Variants in PKN2 observed in about 807,000 individuals in gnomAD.
PKN2 encodes protein kinase N2, also known as serine/threonine-protein kinase N2.
Under a neutral mutation model 119.1 loss-of-function variants are expected in PKN2, and 38 were observed. The observed-to-expected ratio is 0.32, with a 90% confidence interval of 0.25 to 0.42. The LOEUF is 0.42. Among genes scored for constraint, PKN2 ranks in the 10% least tolerant of loss-of-function variants. The pLI, the probability that PKN2 is intolerant of heterozygous loss-of-function variation, is 1.00. For missense variants in PKN2, 850 were observed against 1,165.1 expected (o/e 0.73, Z 3.94); for synonymous variants, 390 against 384.9 (o/e 1.01, Z -0.15).
intron 1 of PKN2, among the ~76,000 whole-genome samples, chr1:88,718,561 A>G (rs1403062024): frequency 2.0e-5 from 3 of 152,210 alleles, no homozygotes; most frequent in Admixed American, 1.3e-4. Flanking sequence ...ATTTAAATAT[A>G]TCCTAATATT....
chr1:88,763,321 C>T (rs890123299), intron 3 of PKN2, among the ~76,000 whole-genome samples: 1 of 152,120 alleles, frequency 6.6e-6, no homozygotes, highest in Admixed American at 6.5e-5. Flanking sequence ...AGTTCACATC[C>T]ATCCGGCCAC....
chr1:88,705,811 T>C (rs1380298932), intron 1 of PKN2, among the ~76,000 whole-genome samples: 1 of 152,160 alleles, frequency 6.6e-6, no homozygotes, highest in Non-Finnish European at 1.5e-5. Flanking sequence ...GATCCATTGC[T>C]ATATTTATTA....
At chr1:88,714,747 A>G (rs1377069628) in intron 1 of PKN2, among the ~76,000 whole-genome samples, 2 of 152,098 alleles carry the variant, frequency 1.3e-5, no homozygotes, top group Non-Finnish European at 1.5e-5. Flanking sequence ...CTCTTTTCCT[A>G]ATTGAATACC....
chr1:88,785,809 T>TCA (rs1670548455), intron 7 of PKN2, among the ~76,000 whole-genome samples: 2 of 152,176 alleles, frequency 1.3e-5, no homozygotes, highest in African/African-American at 4.8e-5. Context: ...TGATTGATAT[T>TCA]CACACAAACA....
At chr1:88,695,100 C>G (rs1157592993) in intron 1 of PKN2, among the ~76,000 whole-genome samples, 1 of 151,582 alleles carries the variant, frequency 6.6e-6, no homozygotes, top group African/African-American at 2.4e-5. Flanking sequence ...GCACTCCAGC[C>G]TGGGCGACAG....
chr1:88,830,892 G>A (rs1672701392), intron 19 of PKN2, among the ~76,000 whole-genome samples: 1 of 152,124 alleles, frequency 6.6e-6, no homozygotes, highest in Non-Finnish European at 1.5e-5. Flanking sequence ...TGAAATGCTA[G>A]TGATAACTCC....
chr1:88,766,474 T>C (rs914968114), intron 3 of PKN2, among the ~76,000 whole-genome samples: 6 of 152,172 alleles, frequency 3.9e-5, no homozygotes, highest in African/African-American at 1.4e-4. Flanking sequence ...AATTTGAAAG[T>C]CGTATAATTT....
At chr1:88,712,842 T>C (rs1266959425) in intron 1 of PKN2, among the ~76,000 whole-genome samples, 2 of 152,162 alleles carry the variant, frequency 1.3e-5, no homozygotes, top group Non-Finnish European at 2.9e-5. Flanking sequence ...TTGTTACATA[T>C]GTATACATGT....
At chr1:88,817,150 G>T (rs1206729305) in intron 16 of PKN2, among the ~76,000 whole-genome samples, 2 of 152,072 alleles carry the variant, frequency 1.3e-5, no homozygotes, top group African/African-American at 2.4e-5. Context: ...AAAATCTTCA[G>T]TAAAACACTG....
Position 88,808,462 on chromosome 1 carries a change from C to T in PKN2, c.2102+687C>T, listed in dbSNP as rs956045119. Among the ~76,000 whole-genome samples the T allele has an allele frequency of 5.9e-5, 9 of 151,972 alleles. No homozygotes were observed. In the East Asian group the frequency reaches 1.7e-3, roughly 29 times the overall value. ...CTGGGACTACAGACGCATGCCACCA[C>T]GTCCAGCTTTTTTTTGTATTTTTAG... is the stretch of plus-strand genomic sequence containing the variant. On this transcript the variant is annotated intron_variant, in intron 15 of 21. Transcript: ENST00000370521.
chr1:88,746,188 A>G (rs961251393), intron 2 of PKN2, among the ~76,000 whole-genome samples: 5 of 152,166 alleles, frequency 3.3e-5, no homozygotes, highest in Admixed American at 1.3e-4. Context: ...AGAAGAAAAT[A>G]TAGAGGGAAA....
chr1:88,736,617 A>G (rs1053764050), intron 1 of PKN2, among the ~76,000 whole-genome samples: 7 of 152,078 alleles, frequency 4.6e-5, no homozygotes, highest in Non-Finnish European at 1.0e-4. Context: ...CACCCACCTT[A>G]GCCTCCCAGT....
intron 1 of PKN2, among the ~76,000 whole-genome samples, chr1:88,721,731 A>G (rs1570530827): frequency 6.6e-6 from 1 of 152,310 alleles, no homozygotes; most frequent in South Asian, 2.1e-4. Flanking sequence ...TCTTTTTTGC[A>G]TAGTAGGCTC....
intron 1 of PKN2, among the ~76,000 whole-genome samples, chr1:88,705,509 CA>C (rs1217063717): frequency 1.3e-5 from 2 of 149,808 alleles, no homozygotes; most frequent in African/African-American, 5.0e-5. Flanking sequence ...CCTGCTAACA[CA>C]GTGAAACCCC....
chr1:88,710,123 CG>C (rs1667168969), intron 1 of PKN2, among the ~76,000 whole-genome samples: 1 of 152,042 alleles, frequency 6.6e-6, no homozygotes, highest in Non-Finnish European at 1.5e-5. Flanking sequence ...AATGTAAAAC[CG>C]GTCCTGGGAT....
At chr1:88,829,209 A>C in intron 19 of PKN2, 1 of 733,504 alleles carries the variant, frequency 1.4e-6, no homozygotes, top group South Asian at 1.4e-5. Flanking sequence ...AACAGAACGT[A>C]CATTAACATC....
At chr1:88,821,480 C>CT (rs1672288096) in intron 16 of PKN2, among the ~76,000 whole-genome samples, 1 of 152,184 alleles carries the variant, frequency 6.6e-6, no homozygotes, top group Non-Finnish European at 1.5e-5. Context: ...CCCAGGATAT[C>CT]TTTTCAGCCT....
At chr1:88,815,057 T>C (rs1671929827) in intron 16 of PKN2, among the ~76,000 whole-genome samples, 1 of 152,206 alleles carries the variant, frequency 6.6e-6, no homozygotes, top group South Asian at 2.1e-4. Context: ...CAGAAAGTAG[T>C]AGAAGGCTAC....
chr1:88,794,689 T>C (rs1557616344), intron 8 of PKN2, among the ~76,000 whole-genome samples: 1 of 152,234 alleles, frequency 6.6e-6, no homozygotes, highest in Non-Finnish European at 1.5e-5. Flanking sequence ...GTTTTTCTTC[T>C]AGCTGTTTTT....
Sources: gnomAD v4.1 joint callset for allele counts (sites outside exome capture counted in the v4.1 genomes callset) on GRCh38, gnomAD v4.1.1 for gene constraint, MANE v1.5 for transcripts, NCBI Gene and HGNC (gene_info 2026-07-23, HGNC 2026-07-21) for gene names.